Variants in NFIB observed in about 807,000 individuals in gnomAD.
NFIB encodes the protein nuclear factor 1 B-type.
In NFIB, 11 loss-of-function variants were observed where a neutral mutation model predicts 61.5. The ratio of observed to expected loss-of-function variants is 0.18; its 90% confidence interval spans 0.11 to 0.30. The LOEUF (loss-of-function observed/expected upper bound fraction) is 0.30, where lower values mean the gene tolerates loss of function less well. Among genes scored for constraint, NFIB ranks in the 10% least tolerant of loss-of-function variants. The pLI is 1.00. For synonymous variants in NFIB, 260 were observed against 216.5 expected (o/e 1.20, Z -1.76); for missense variants, 471 against 608.9 (o/e 0.77, Z 2.38).
chr9:14,373,662 G>GTA (rs1465890738), intron 1 of NFIB, among the ~76,000 whole-genome samples: 2 of 151,862 alleles, frequency 1.3e-5, no homozygotes, highest in Admixed American at 1.3e-4. Flanking sequence ...GTGTGTGTGT[G>GTA]TGTGTGTGTG....
chr9:14,185,241 C>T (rs867264559), intron 2 of NFIB, among the ~76,000 whole-genome samples: 2 of 152,024 alleles, frequency 1.3e-5, no homozygotes, highest in Non-Finnish European at 2.9e-5. Flanking sequence ...AGAAGGTGAC[C>T]TTAGGAACAA....
intron 2 of NFIB, among the ~76,000 whole-genome samples, chr9:14,239,721 G>T (rs942712607): frequency 5.3e-5 from 8 of 152,114 alleles, no homozygotes; most frequent in African/African-American, 1.9e-4. Flanking sequence ...AATGAGAGAA[G>T]CTTCGAAACA....
chr9:14,154,771 C>G (rs575363284), intron 4 of NFIB, among the ~76,000 whole-genome samples: 1 of 152,210 alleles, frequency 6.6e-6, no homozygotes, highest in Non-Finnish European at 1.5e-5. Context: ...GCTATTTGCA[C>G]TGTTCACTTT....
intron 1 of NFIB, chr9:14,362,264 T>A (rs1308268001): frequency 1.3e-5 from 2 of 152,168 alleles, no homozygotes; most frequent in Non-Finnish European, 2.9e-5. Context: ...GCCTGGACAA[T>A]GACTTGGAAT....
intron 2 of NFIB, among the ~76,000 whole-genome samples, chr9:14,304,482 G>C (rs891658840): frequency 6.6e-6 from 1 of 152,164 alleles, no homozygotes; most frequent in Non-Finnish European, 1.5e-5. Context: ...GGCATCCTGA[G>C]CTAAACAAAG....
chr9:14,258,036 T>C (rs2056394530), intron 2 of NFIB, among the ~76,000 whole-genome samples: 1 of 152,228 alleles, frequency 6.6e-6, no homozygotes, highest in Non-Finnish European at 1.5e-5. Context: ...TTTTAGTGGC[T>C]GTAGCTGTTG....
At chr9:14,422,430 A>G in the NFIB span, among the ~76,000 whole-genome samples, 2 of 152,164 alleles carry the variant, frequency 1.3e-5, no homozygotes, top group South Asian at 4.1e-4. Flanking sequence ...TGCTCTAAGT[A>G]TTCTTATGGA....
At chr9:14,285,469 T>A (rs936785632) in intron 2 of NFIB, among the ~76,000 whole-genome samples, 1 of 152,238 alleles carries the variant, frequency 6.6e-6, no homozygotes, top group African/African-American at 2.4e-5. Flanking sequence ...GAGTTTTTTT[T>A]AATATGTAGA....
intron 3 of NFIB, among the ~76,000 whole-genome samples, chr9:14,164,168 A>G (rs184391637): frequency 6.6e-6 from 1 of 152,232 alleles, no homozygotes; most frequent in Non-Finnish European, 1.5e-5. Context: ...AAAAAGACCA[A>G]CAAGACAGAA....
chr9:14,348,977 C>T (rs1169314730), intron 1 of NFIB, among the ~76,000 whole-genome samples: 2 of 152,192 alleles, frequency 1.3e-5, no homozygotes, highest in Non-Finnish European at 2.9e-5. Flanking sequence ...CGGCACTTTT[C>T]CCTGTACCGA....
rs190431739 is a variant in NFIB at position 14,351,265 on chromosome 9, C to T, written c.109-43745G>A. Among the ~76,000 whole-genome samples the T allele has an allele frequency of 5.9e-4, 90 of 152,330 alleles. 1 individual carries two copies. The Middle Eastern group carries it at 0.014, about 23-fold the overall frequency. On this transcript the variant is annotated intron_variant, in intron 1 of 8. Transcript: ENST00000380934. ...GGTGCTTTAGCCCAATTCTCTTGGG[C>T]AGTGGGTTCCTTCTGACTTTGCCGA...
chr9:14,408,144 C>T, the NFIB span, among the ~76,000 whole-genome samples: 1,389 of 152,242 alleles, frequency 9.1e-3, 16 homozygotes, highest in African/African-American at 0.031. Flanking sequence ...TATAAAGATG[C>T]ACATGGCAAT....
chr9:14,465,463 CT>C, the NFIB span, among the ~76,000 whole-genome samples: 82 of 152,216 alleles, frequency 5.4e-4, no homozygotes, highest in African/African-American at 2.0e-3. Flanking sequence ...TCAAAGGCCT[CT>C]GCATAGATAT....
chr9:14,097,110 T>A (rs2034916748), intron 10 of NFIB, among the ~76,000 whole-genome samples: 1 of 152,210 alleles, frequency 6.6e-6, no homozygotes, highest in Non-Finnish European at 1.5e-5. Flanking sequence ...ATGTTTTTAT[T>A]TTTGATTTCA....
chr9:14,204,406 CT>C (rs2049398155), intron 2 of NFIB: 4 of 1,130,632 alleles, frequency 3.5e-6, no homozygotes, highest in Admixed American at 3.5e-5. Flanking sequence ...ACCTCGCCCG[CT>C]TTGTGAAATG....
chr9:14,331,801 T>C (rs1564013033), intron 1 of NFIB, among the ~76,000 whole-genome samples: 1 of 151,994 alleles, frequency 6.6e-6, no homozygotes, highest in Admixed American at 6.6e-5. Context: ...GTGTGGTTGT[T>C]TGGGGATCAA....
the NFIB span, among the ~76,000 whole-genome samples, chr9:14,449,758 C>T: frequency 4.0e-5 from 6 of 151,636 alleles, no homozygotes; most frequent in East Asian, 1.9e-4. Context: ...GGTGAAACCC[C>T]GTCTCTACTA....
At chr9:14,453,309 T>C in the NFIB span, among the ~76,000 whole-genome samples, 5 of 152,234 alleles carry the variant, frequency 3.3e-5, no homozygotes, top group African/African-American at 1.2e-4. Context: ...TCTGTCATGT[T>C]TGAAGATCAA....
chr9:14,093,296 G>T (rs923277643), intron 10 of NFIB, among the ~76,000 whole-genome samples: 5 of 152,004 alleles, frequency 3.3e-5, no homozygotes, highest in Non-Finnish European at 5.9e-5. Flanking sequence ...TCCAGTATAC[G>T]AATATTTTTC....
Sources: allele counts gnomAD v4.1 joint callset (sites outside exome capture counted in the v4.1 genomes callset), GRCh38; gene constraint gnomAD v4.1.1; transcripts MANE v1.5; gene names NCBI Gene and HGNC (gene_info 2026-07-23, HGNC 2026-07-21).